PCDH15: variants seen among roughly 807,000 people sequenced by gnomAD.
PCDH15 encodes protocadherin related 15.
PCDH15 carries 129 observed loss-of-function variants against 178.5 expected under a neutral mutation model. That is an observed-to-expected ratio of 0.72 (90% CI 0.63 to 0.84). PCDH15 has a LOEUF of 0.84. PCDH15 is among the 40% of genes least tolerant of loss of function. The pLI, the probability that PCDH15 is intolerant of heterozygous loss-of-function variation, is 0.00. For synonymous variants in PCDH15, 800 were observed against 732.0 expected (o/e 1.09, Z -1.50); for missense variants, 2,230 against 2,099.9 (o/e 1.06, Z -1.21).
At position 55,515,273 on chromosome 10, in the gene PCDH15, G is replaced by A. The variant is rs150025382; in HGVS notation, c.-156+112352C>T. ...GGATTACAGGCATGAGCCACTGCGCGTGGCCGGGGCATTGTTTTTGAGTCC... is the reference window on the plus strand; with the variant it reads ...GGATTACAGGCATGAGCCACTGCGCATGGCCGGGGCATTGTTTTTGAGTCC... On this transcript the variant is annotated intron_variant, in intron 2 of 5. Transcript: ENST00000613346. Among the ~76,000 whole-genome samples the A allele has an allele frequency of 5.5e-3, 836 of 151,972 alleles. 9 individuals carry two copies. The highest frequency in any genetic ancestry group is 0.019 in the African/African-American group (807 of 41,458).
chr10:53,840,412 G>A lies in PCDH15; in HGVS notation c.3891C>T (p.Ala1297=). The A allele has an allele frequency of 6.2e-7, 1 of 1,614,038 alleles. No individual in the cohort carries two copies. The change falls in exon 29 of 38, where the codon GCC becomes GCT. Residue 1297 remains alanine, a synonymous_variant. Transcript: ENST00000644397. ...ATTTGGTGTAATCTTCTAGGGAAAA[G>A]GCATCTCCATGCCGGCGAGCTCCAA... ...ESIGARRHGD[A]FSLEDYTKCD...
chr10:54,033,925 C>A (rs996556410), intron 18 of PCDH15, among the ~76,000 whole-genome samples: 2 of 151,790 alleles, frequency 1.3e-5, no homozygotes, highest in African/African-American at 4.8e-5. Flanking sequence ...TCTGAAGAGT[C>A]AAGAGTAATG....
intron 35 of PCDH15, among the ~76,000 whole-genome samples, chr10:53,813,332 C>T (rs998832676): frequency 1.1e-4 from 16 of 152,126 alleles, no homozygotes; most frequent in African/African-American, 3.6e-4. Context: ...ATTACTTCTT[C>T]TATCTTATAA....
intron 2 of PCDH15, among the ~76,000 whole-genome samples, chr10:55,543,859 A>G (rs1297811751): frequency 6.6e-6 from 1 of 151,612 alleles, no homozygotes; most frequent in Non-Finnish European, 1.5e-5. Context: ...ACTCTTGATG[A>G]AAATTTCTGT....
intron 1 of PCDH15, among the ~76,000 whole-genome samples, chr10:55,250,155 G>C (rs1841796345): frequency 6.6e-6 from 1 of 151,764 alleles, no homozygotes; most frequent in Non-Finnish European, 1.5e-5. Flanking sequence ...TTTATTTATT[G>C]AGACAGAGTC....
chr10:54,395,861 T>C (rs1358311623), intron 3 of PCDH15, among the ~76,000 whole-genome samples: 1 of 152,182 alleles, frequency 6.6e-6, no homozygotes, highest in East Asian at 1.9e-4. Context: ...ATGTTCAATG[T>C]ATTATTGTAG....
Position 55,031,275 on chromosome 10 carries a change from A to C in PCDH15, c.-79-133775T>G, listed in dbSNP as rs116012977. ...TGTTTAAAGATTTAATAAAAAATGC[A>C]CTGGTATACAGTTTATAACTCCATG... On this transcript the variant is annotated intron_variant, in intron 2 of 5. Transcript: ENST00000458638. Among the ~76,000 whole-genome samples the C allele has an allele frequency of 8.7e-3, 1,318 of 152,306 alleles. 20 individuals are homozygous for C. The highest frequency in any genetic ancestry group is 0.03 in the African/African-American group (1,251 of 41,562).
At chr10:54,462,545 C>G (rs1177174543) in intron 3 of PCDH15, among the ~76,000 whole-genome samples, 1 of 103,892 alleles carries the variant, frequency 9.6e-6, no homozygotes, top group Admixed American at 1.3e-4. Context: ...GATGGAGTCT[C>G]TCTCTGTTAC....
intron 2 of PCDH15, among the ~76,000 whole-genome samples, chr10:54,622,641 A>T (rs1212274185): frequency 2.5e-5 from 1 of 39,452 alleles, no homozygotes; most frequent in Admixed American, 4.2e-4. Flanking sequence ...TATATTATAT[A>T]ATTATATATA....
intron 1 of PCDH15, among the ~76,000 whole-genome samples, chr10:55,265,498 G>A (rs576070343): frequency 6.6e-6 from 1 of 152,062 alleles, no homozygotes; most frequent in Non-Finnish European, 1.5e-5. Flanking sequence ...AGAGATTTGG[G>A]GATGCACTTT....
At chr10:53,865,579 A>T (rs2079391019) in intron 27 of PCDH15, among the ~76,000 whole-genome samples, 1 of 152,168 alleles carries the variant, frequency 6.6e-6, no homozygotes, top group South Asian at 2.1e-4. Context: ...TCTTAATTTG[A>T]TCAAAAATTT....
chr10:54,490,260 C>G (rs1002841478), intron 3 of PCDH15, among the ~76,000 whole-genome samples: 1 of 151,964 alleles, frequency 6.6e-6, no homozygotes, highest in Non-Finnish European at 1.5e-5. Context: ...ACCATCCTGG[C>G]TAACACGGTG....
chr10:54,571,926 G>A (rs1311583827), intron 2 of PCDH15, among the ~76,000 whole-genome samples: 1 of 152,068 alleles, frequency 6.6e-6, no homozygotes, highest in Non-Finnish European at 1.5e-5. Flanking sequence ...TGGAGGGTGT[G>A]AGTTGAAGAA....
At chr10:55,222,013 C>T (rs1455095047) in intron 1 of PCDH15, among the ~76,000 whole-genome samples, 4 of 150,808 alleles carry the variant, frequency 2.7e-5, no homozygotes, top group African/African-American at 7.3e-5. Context: ...ACTACAGGCA[C>T]CCGCCACCAC....
rs1035686237 is a variant in PCDH15 at position 54,847,216 on chromosome 10, AT to A, written c.-29+50233del. On this transcript the variant is annotated intron_variant, in intron 3 of 5. Coordinates refer to the PCDH15 transcript ENST00000458638. ...TAAATCAATTTGCTTGCTTTCTGCT[AT>A]CTTTTAATCTAAGTAGCACTGTCCT... 2.6e-5 allele frequency among the ~76,000 whole-genome samples: 4 copies of A among 151,342 alleles called. No homozygotes were observed. In the East Asian group the frequency reaches 5.8e-4, roughly 22 times the overall value.
chr10:55,543,524 C>A (rs1272472286), intron 2 of PCDH15, among the ~76,000 whole-genome samples: 1 of 151,258 alleles, frequency 6.6e-6, no homozygotes, highest in Non-Finnish European at 1.5e-5. Context: ...TGATTGCTAA[C>A]CCTAGTCAGA....
chr10:55,195,275 G>C (rs1437662119), intron 1 of PCDH15, among the ~76,000 whole-genome samples: 2 of 151,650 alleles, frequency 1.3e-5, no homozygotes, highest in Admixed American at 6.6e-5. Flanking sequence ...TCCCAGCTTC[G>C]GCCTCCCAAA....
At chr10:55,394,685 TA>T (rs931927605) in intron 2 of PCDH15, among the ~76,000 whole-genome samples, 194 of 141,144 alleles carry the variant, frequency 1.4e-3, no homozygotes, top group East Asian at 0.01. Flanking sequence ...AGTAGAAAAT[TA>T]AAAAAAAAAA....
intron 2 of PCDH15, among the ~76,000 whole-genome samples, chr10:54,662,011 A>T (rs2094499991): frequency 6.6e-6 from 1 of 152,006 alleles, no homozygotes; most frequent in Non-Finnish European, 1.5e-5. Flanking sequence ...TTTATAAATA[A>T]TACCTCAAAA....
Sources: gnomAD v4.1 joint callset for allele counts (sites outside exome capture counted in the v4.1 genomes callset) on GRCh38, gnomAD v4.1.1 for gene constraint, MANE v1.5 for transcripts, NCBI Gene and HGNC (gene_info 2026-07-23, HGNC 2026-07-21) for gene names.